Variants in GALNT13 observed in about 807,000 individuals in gnomAD.
The protein encoded by GALNT13 is polypeptide N-acetylgalactosaminyltransferase 13.
Under a neutral mutation model 64.2 loss-of-function variants are expected in GALNT13, and 28 were observed. The ratio of observed to expected loss-of-function variants is 0.44; its 90% confidence interval spans 0.32 to 0.60. GALNT13 has a LOEUF of 0.60. Among genes scored for constraint, GALNT13 ranks in the 20% least tolerant of loss-of-function variants. The probability of loss-of-function intolerance (pLI) is 0.05; values close to 1 mark genes in which losing one functional copy is unlikely to be tolerated. For synonymous variants in GALNT13, 214 were observed against 224.6 expected (o/e 0.95, Z 0.42); for missense variants, 577 against 669.8 (o/e 0.86, Z 1.53).
At chr2:154,072,787 T>C (rs1370957603) in intron 3 of GALNT13, among the ~76,000 whole-genome samples, 1 of 152,070 alleles carries the variant, frequency 6.6e-6, no homozygotes. Context: ...AGTTTGCTAT[T>C]GGAAAATAGT....
chr2:154,122,166 C>T (rs575285317), intron 3 of GALNT13, among the ~76,000 whole-genome samples: 5 of 151,972 alleles, frequency 3.3e-5, no homozygotes, highest in South Asian at 2.1e-4. Flanking sequence ...AATGTTGAAT[C>T]GGCCATACAT....
chr2:153,463,099 T>C, the GALNT13 span, among the ~76,000 whole-genome samples: 2 of 152,084 alleles, frequency 1.3e-5, no homozygotes, highest in Non-Finnish European at 2.9e-5. Context: ...TAAAATCAAC[T>C]CTTTATTCAA....
At chr2:154,049,286 A>T (rs1014520710) in intron 3 of GALNT13, among the ~76,000 whole-genome samples, 3 of 150,940 alleles carry the variant, frequency 2.0e-5, no homozygotes, top group Non-Finnish European at 4.4e-5. Flanking sequence ...TAAATACTTA[A>T]ATAGTTAATA....
At chr2:153,879,492 G>C (rs964169709) in intron 1 of GALNT13, among the ~76,000 whole-genome samples, 1 of 151,796 alleles carries the variant, frequency 6.6e-6, no homozygotes, top group Non-Finnish European at 1.5e-5. Context: ...AGCCTCCCAA[G>C]TAACTAGGAC....
At chr2:153,249,341 G>A in the GALNT13 span, among the ~76,000 whole-genome samples, 9 of 152,084 alleles carry the variant, frequency 5.9e-5, no homozygotes, top group African/African-American at 2.2e-4. Flanking sequence ...ACCTCTTCAA[G>A]GAGAACTACA....
At chr2:153,511,389 A>C in the GALNT13 span, among the ~76,000 whole-genome samples, 1 of 152,094 alleles carries the variant, frequency 6.6e-6, no homozygotes, top group Non-Finnish European at 1.5e-5. Flanking sequence ...GATGGGTAAC[A>C]GGTGAGAAAA....
At chr2:153,956,261 T>C (rs1341998039) in intron 3 of GALNT13, among the ~76,000 whole-genome samples, 3 of 152,134 alleles carry the variant, frequency 2.0e-5, no homozygotes, top group Non-Finnish European at 2.9e-5. Flanking sequence ...AAAAAACTAA[T>C]GGAGAGAGCT....
chr2:154,315,253 A>G (rs781382607), intron 9 of GALNT13, among the ~76,000 whole-genome samples: 2 of 152,162 alleles, frequency 1.3e-5, no homozygotes, highest in Non-Finnish European at 2.9e-5. Flanking sequence ...ATATTAATAC[A>G]AATTATCTAG....
At chr2:154,185,866 G>A (rs1403532377) in intron 4 of GALNT13, among the ~76,000 whole-genome samples, 1 of 151,964 alleles carries the variant, frequency 6.6e-6, no homozygotes, top group African/African-American at 2.4e-5. Context: ...GTATTAAAAT[G>A]TATTGCCTAG....
chr2:153,765,472 T>C, the GALNT13 span, among the ~76,000 whole-genome samples: 1 of 152,286 alleles, frequency 6.6e-6, no homozygotes, highest in Admixed American at 6.5e-5. Context: ...ATTTGAAACA[T>C]GTGTAATTAC....
chr2:154,149,422 C>G (rs555183091), intron 4 of GALNT13, among the ~76,000 whole-genome samples: 3 of 150,286 alleles, frequency 2.0e-5, no homozygotes, highest in South Asian at 2.2e-4. Context: ...CTCTTTTTTG[C>G]TTCCATATGA....
chr2:153,775,411 C>G, the GALNT13 span, among the ~76,000 whole-genome samples: 3 of 152,052 alleles, frequency 2.0e-5, no homozygotes, highest in African/African-American at 4.8e-5. Context: ...ATAGAGGTTT[C>G]ATAATAACTC....
chr2:154,377,900 G>A (rs118062219), intron 9 of GALNT13, among the ~76,000 whole-genome samples: 1 of 152,250 alleles, frequency 6.6e-6, no homozygotes, highest in East Asian at 1.9e-4. Context: ...CACAGAAAGA[G>A]TTTAGTGTTT....
the GALNT13 span, among the ~76,000 whole-genome samples, chr2:153,438,152 C>T: frequency 1.3e-5 from 2 of 152,166 alleles, no homozygotes; most frequent in Admixed American, 6.5e-5. Context: ...TGAATATTGG[C>T]CCCCACTCTC....
the GALNT13 span, among the ~76,000 whole-genome samples, chr2:153,768,295 T>G: frequency 3.3e-5 from 5 of 152,264 alleles, no homozygotes; most frequent in East Asian, 7.7e-4. Flanking sequence ...TCCATAAAGG[T>G]CTTATAGGTA....
chr2:153,804,808 T>A, the GALNT13 span, among the ~76,000 whole-genome samples: 34 of 152,176 alleles, frequency 2.2e-4, no homozygotes, highest in East Asian at 1.5e-3. Flanking sequence ...CTACATAAAA[T>A]GAAAGCACAC....
chr2:153,478,219 C>T, the GALNT13 span: 4 of 1,594,552 alleles, frequency 2.5e-6, no homozygotes, highest in Non-Finnish European at 3.4e-6. Flanking sequence ...GCGGTTGCCG[C>T]GGGGGCAGAG....
intron 4 of GALNT13, among the ~76,000 whole-genome samples, chr2:154,188,223 C>T (rs541892055): frequency 6.6e-6 from 1 of 152,172 alleles, no homozygotes; most frequent in African/African-American, 2.4e-5. Flanking sequence ...GCTCTGTAGC[C>T]ACGCAGAATA....
At chr2:154,435,829 C>T (rs1257033614) in intron 11 of GALNT13, 2 of 151,918 alleles carry the variant, frequency 1.3e-5, no homozygotes, top group African/African-American at 2.4e-5. Context: ...TTCAGTATAC[C>T]CAAAGTGAAT....
Sources: allele counts gnomAD v4.1 joint callset (sites outside exome capture counted in the v4.1 genomes callset), GRCh38; gene constraint gnomAD v4.1.1; transcripts MANE v1.5; gene names NCBI Gene and HGNC (gene_info 2026-07-23, HGNC 2026-07-21).